The following BRI3 variants were observed in gnomAD, a reference collection of about 807,000 sequenced individuals.
The protein encoded by BRI3 is membrane protein BRI3.
BRI3 carries 6 observed loss-of-function variants against 12.8 expected under a neutral mutation model. That is an observed-to-expected ratio of 0.47 (90% CI 0.26 to 0.93). BRI3 has a LOEUF of 0.93. Ranked by LOEUF, BRI3 falls within the 40% of genes least tolerant of loss-of-function variation. The pLI is 0.15. For synonymous variants in BRI3, 91 were observed against 76.1 expected, an observed-to-expected ratio of 1.20 and a Z score of -1.02; for missense variants, 134 against 171.1, an observed-to-expected ratio of 0.78 and a Z score of 1.21.
intron 2 of BRI3, among the ~76,000 whole-genome samples, chr7:98,284,986 C>T (rs1215255355): frequency 6.6e-6 from 1 of 152,106 alleles, no homozygotes; most frequent in Non-Finnish European, 1.5e-5. Flanking sequence ...GAGGTAGCTG[C>T]GCTGGGAGGC....
chr7:98,283,152 C>A (rs954287400), intron 2 of BRI3: 5 of 151,688 alleles, frequency 3.3e-5, no homozygotes, highest in Non-Finnish European at 5.9e-5. Context: ...AAATATAAAC[C>A]CTTGGCAGCT....
downstream of BRI3, chr7:98,310,648 C>G (rs574826362): frequency 6.7e-6 from 9 of 1,349,028 alleles, no homozygotes; most frequent in South Asian, 1.2e-4. Context: ...CGGAATTACA[C>G]AGATTCCCAA....
rs755471520 is a variant in BRI3 at position 98,291,088 on chromosome 7, C to T, written c.246-23C>T. 7 of 1,613,562 alleles carry T rather than the reference C, an allele frequency of 4.3e-6. 1 individual carries two copies. The South Asian group carries it at 6.6e-5, about 15-fold the overall frequency. ...CTGCCCGGGTCCTTACGGTGCCACCCTCTCTGCCCGTCTCTGCTGCAGGGT... is the reference window on the plus strand; with the variant it reads ...CTGCCCGGGTCCTTACGGTGCCACCTTCTCTGCCCGTCTCTGCTGCAGGGT... On this transcript the variant is annotated intron_variant, in intron 2 of 2. Transcript: ENST00000297290.
intron 2 of BRI3, among the ~76,000 whole-genome samples, 188 bp from the exon 3 acceptor site, chr7:98,290,923 C>G (rs891911676): frequency 3.7e-4 from 57 of 152,216 alleles, no homozygotes; most frequent in African/African-American, 1.3e-3. Flanking sequence ...GCAGCTGGTT[C>G]TTGGGGCTCT....
downstream of BRI3, chr7:98,292,307 TGC>T: frequency 3.0e-6 from 1 of 332,826 alleles, no homozygotes. Context: ...CTGCAACCTC[TGC>T]CTCCCGGGTT....
upstream of BRI3, among the ~76,000 whole-genome samples, chr7:98,305,634 G>T (rs945816421): frequency 2.0e-5 from 3 of 152,086 alleles, no homozygotes; most frequent in Non-Finnish European, 4.4e-5. Flanking sequence ...TGTTGCGCAG[G>T]CTGGTCCTGA....
At chr7:98,306,165 C>T (rs750052047), upstream of BRI3, among the ~76,000 whole-genome samples, 1 of 152,110 alleles carries the variant, frequency 6.6e-6, no homozygotes, top group Non-Finnish European at 1.5e-5. Flanking sequence ...TTGGGTTTAG[C>T]GACCAGGAGG....
chr7:98,314,743 C>T (rs1350110393), downstream of BRI3, among the ~76,000 whole-genome samples: 2 of 152,152 alleles, frequency 1.3e-5, no homozygotes, highest in African/African-American at 4.8e-5. Flanking sequence ...GACACGGACC[C>T]ATGAAGGGAG....
downstream of BRI3, chr7:98,310,703 T>TATTTA: frequency 3.5e-5 from 32 of 922,966 alleles, no homozygotes; most frequent in South Asian, 4.6e-5. Flanking sequence ...TTTATTTATT[T>TATTTA]TGAGACAGAG....
chr7:98,304,929 G>C (rs530104476), upstream of BRI3, among the ~76,000 whole-genome samples: 1 of 149,402 alleles, frequency 6.7e-6, no homozygotes, highest in Non-Finnish European at 1.5e-5. Context: ...GCAGTGGCGC[G>C]ATCTTGGCTC....
chr7:98,304,484 C>T, upstream of BRI3: 1 of 1,066,820 alleles, frequency 9.4e-7, no homozygotes, highest in Non-Finnish European at 1.4e-6. Context: ...CATCACCAAT[C>T]AAAACCTGAT....
At chr7:98,300,446 T>C (rs558845921) in intron 1 of BRI3, among the ~76,000 whole-genome samples, 5 of 152,314 alleles carry the variant, frequency 3.3e-5, no homozygotes, top group East Asian at 1.9e-4. Flanking sequence ...CGCAATGCTT[T>C]TGCAGTCTGC....
chr7:98,314,207 T>C (rs898873041), downstream of BRI3, among the ~76,000 whole-genome samples: 8 of 152,072 alleles, frequency 5.3e-5, no homozygotes. Context: ...GGTCTCAAAC[T>C]CCTGACCTCA....
At chr7:98,294,285 G>A (rs577089075), downstream of BRI3, among the ~76,000 whole-genome samples, 3 of 152,298 alleles carry the variant, frequency 2.0e-5, no homozygotes, top group East Asian at 1.9e-4. Context: ...GAGCCGCTGC[G>A]ACTGGCCTGT....
chr7:98,297,673 G>A (rs961918250), downstream of BRI3, among the ~76,000 whole-genome samples: 3 of 152,122 alleles, frequency 2.0e-5, no homozygotes, highest in Non-Finnish European at 4.4e-5. Context: ...AAAGGGGGAC[G>A]CTGAGGCCCA....
intron 1 of BRI3, chr7:98,307,414 A>AT (rs1208248755): frequency 1.1e-5 from 14 of 1,278,900 alleles, no homozygotes; most frequent in South Asian, 4.8e-5. Context: ...CAAATGCTAA[A>AT]TTTTTTTTAA....
intron 2 of BRI3, among the ~76,000 whole-genome samples, chr7:98,286,041 C>G (rs1584391086): frequency 6.6e-6 from 1 of 152,140 alleles, no homozygotes. Context: ...GGCCAGCCCC[C>G]TGTGACACTG....
downstream of BRI3, among the ~76,000 whole-genome samples, chr7:98,296,207 G>A (rs200667248): frequency 1.2e-4 from 18 of 152,382 alleles, no homozygotes; most frequent in East Asian, 3.1e-3. Flanking sequence ...GGATGGTCAC[G>A]GAGGTGGGCC....
At chr7:98,282,732 TG>T (rs1799568653) in intron 2 of BRI3, 1 of 407,332 alleles carries the variant, frequency 2.5e-6, no homozygotes, top group African/African-American at 2.0e-5. Context: ...GATGTAGAAA[TG>T]GTAACAACGG....
Sources: allele counts gnomAD v4.1 joint callset (sites outside exome capture counted in the v4.1 genomes callset), GRCh38; gene constraint gnomAD v4.1.1; transcripts MANE v1.5; gene names NCBI Gene and HGNC (gene_info 2026-07-23, HGNC 2026-07-21).